Variants in ARAP3 observed in about 807,000 individuals in gnomAD.
The protein encoded by ARAP3 is arf-GAP with Rho-GAP domain, ANK repeat and PH domain-containing protein 3.
A neutral mutation model predicts 169.2 loss-of-function variants in ARAP3; 82 were observed. That is an observed-to-expected ratio of 0.48 (90% CI 0.41 to 0.58). The LOEUF (loss-of-function observed/expected upper bound fraction) is 0.58. Among genes scored for constraint, ARAP3 ranks in the 20% least tolerant of loss-of-function variants. The pLI is 0.00. For synonymous variants in ARAP3, 791 were observed against 800.3 expected, an observed-to-expected ratio of 0.99 and a Z score of 0.20; for missense variants, 1,764 against 2,018.0, an observed-to-expected ratio of 0.87 and a Z score of 2.41.
intron 19 of ARAP3, 110 bp downstream of exon 19, chr5:141,664,812 C>T: frequency 7.6e-7 from 1 of 1,310,466 alleles, no homozygotes; most frequent in Non-Finnish European, 1.0e-6. Context: ...GGAGGCAAAG[C>T]TCTTCCAGGC....
Position 141,656,239 on chromosome 5 carries a change from G to A in ARAP3, c.3827C>T (p.Ala1276Val), listed in dbSNP as rs2099909257. The change falls in exon 28 of 33, where the codon GCC becomes GTC. Residue 1276 changes from alanine (A) to valine (V), a missense_variant. Ala to Val is a moderately conservative substitution (Grantham distance 64). Transcript: ENST00000239440. ...CTTGCGGATTCCCAGGTAGACCTTG[G>A]CACCTTCCAAAGGCCACTCCCGTTC... ...KPEREWPLEG[A>V]KVYLGIRKKL... The A allele has an allele frequency of 8.7e-6, 14 of 1,614,112 alleles. No homozygotes were observed. The highest frequency in any genetic ancestry group is 1.0e-5 in the Non-Finnish European group (12 of 1,180,014).
At chr5:141,664,674 C>T (rs994495519) in intron 19 of ARAP3, among the ~76,000 whole-genome samples, 4 of 152,170 alleles carry the variant, frequency 2.6e-5, no homozygotes, top group African/African-American at 9.7e-5. Context: ...GGCATTGTCT[C>T]ACTGTCACAA....
chr5:141,668,136 C>CA (rs1206062167), intron 16 of ARAP3, among the ~76,000 whole-genome samples: 2 of 151,116 alleles, frequency 1.3e-5, no homozygotes, highest in Admixed American at 1.3e-4. Context: ...TTTTTTGAGA[C>CA]AGGGCCTCAC....
chr5:141,655,977 C>T (rs1246407142), intron 29 of ARAP3, 45 bp from the exon 30 acceptor site: 2 of 1,613,504 alleles, frequency 1.2e-6, no homozygotes, highest in Non-Finnish European at 1.7e-6. Flanking sequence ...AGGGTCACAG[C>T]TATAGGAATG....
chr5:141,658,280 AAC>A, intron 25 of ARAP3, 83 bp downstream of exon 25: 1 of 1,333,022 alleles, frequency 7.5e-7, no homozygotes, highest in South Asian at 1.3e-5. Context: ...CATATTTGGT[AAC>A]ATGAAGTCAC....
At chr5:141,681,516 T>C (rs539124678) in intron 1 of ARAP3, among the ~76,000 whole-genome samples, 1 of 152,258 alleles carries the variant, frequency 6.6e-6, no homozygotes, top group African/African-American at 2.4e-5. Flanking sequence ...TCTAATTCTG[T>C]GGCCCCTGAG....
chr5:141,669,676 T>C, intron 16 of ARAP3, 33 bp downstream of exon 16: 1 of 1,571,942 alleles, frequency 6.4e-7, no homozygotes, highest in Non-Finnish European at 8.8e-7. Context: ...AAGGAAAGCA[T>C]GAGATGCTGC....
rs776157966 is a variant in ARAP3 at position 141,653,986 on chromosome 5, G to A, written c.4599C>T (p.Cys1533=). Residue 1533 remains cysteine, a synonymous_variant, in exon 33 of 33, where the codon TGC becomes TGT. Coordinates refer to ENST00000239440, the MANE Select transcript of ARAP3 (RefSeq NM_022481.6). ...QTPGFPTQPP[C]TSSPPSSQPL... is the part of the protein sequence containing the mutation. ...GCTGGCTGGAGGGTGGACTGGAAGT[G>A]CATGGGGGTTGGGTGGGGAAGCCAG... The A allele has an allele frequency of 1.3e-6, 2 of 1,549,020 alleles. No individual in the cohort carries two copies. Among genetic ancestry groups the A allele is most frequent in the South Asian group, 1.3e-5 (1 of 79,658 alleles).
intron 13 of ARAP3, 51 bp from the exon 14 acceptor site, chr5:141,670,679 C>A: frequency 6.7e-7 from 1 of 1,494,142 alleles, no homozygotes; most frequent in Non-Finnish European, 9.3e-7. Context: ...ACGGGATAAC[C>A]TGACCCCCTC....
At chr5:141,676,641 C>T (rs1226434798) in intron 4 of ARAP3, among the ~76,000 whole-genome samples, 2 of 152,176 alleles carry the variant, frequency 1.3e-5, no homozygotes, top group Non-Finnish European at 2.9e-5. Flanking sequence ...ACATTTTCCT[C>T]ACTTTGCTCC....
At chr5:141,654,636 TG>T (rs1304920174) in intron 32 of ARAP3, among the ~76,000 whole-genome samples, 3 of 152,116 alleles carry the variant, frequency 2.0e-5, no homozygotes, top group Non-Finnish European at 4.4e-5. Context: ...CATCACATAA[TG>T]AGTGAATGGT....
Position 141,679,796 on chromosome 5 carries a change from G to T in ARAP3, c.551C>A (p.Ala184Asp). 3.7e-6 allele frequency: 6 copies of T among 1,613,412 alleles called. No individual in the cohort carries two copies. The highest frequency in any genetic ancestry group is 5.1e-6 in the Non-Finnish European group (6 of 1,179,800). ...DKAPDSSQIS[A>D]PTPALRPTTG... Reference sequence around the variant, plus strand: ...TGTGGGCCTGAGGGCAGGGGTGGGGGCAGAGATTTGGGAGCTGTCTGGGGC... The same window carrying T: ...TGTGGGCCTGAGGGCAGGGGTGGGGTCAGAGATTTGGGAGCTGTCTGGGGC... Residue 184 changes from alanine (A) to aspartate (D), a missense_variant, in exon 3 of 33, where the codon GCC becomes GAC. Ala to Asp is a moderately radical substitution (Grantham distance 126, BLOSUM62 -2). This residue lies in a region of ARAP3 where 630 missense variants were observed against 678.7 expected (regional missense o/e 0.93). Transcript: ENST00000239440.
rs1394430559 is a variant in ARAP3, at chr5:141,661,762, T to C, written c.3041A>G (p.Glu1014Gly). 6.2e-7 allele frequency: 1 copy of C among 1,614,068 alleles called. No homozygotes were observed. Among genetic ancestry groups the C allele is most frequent in the African/African-American group, 1.3e-5 (1 of 74,920 alleles). The stretch of plus-strand genomic sequence containing the variant: ...GCAGCCAATCACATCTTTATATTTC[T>C]CCAGGCGCTGATTCTTCTGGGGCAG... Reference protein sequence around the residue: ...AELPQKNQRLEKYKDVIGCLP... With the variant: ...AELPQKNQRLGKYKDVIGCLP... Residue 1014 changes from glutamate (E) to glycine (G), a missense_variant, in exon 21 of 33, where the codon GAG becomes GGG. Coordinates refer to ENST00000239440, the MANE Select transcript of ARAP3 (RefSeq NM_022481.6).
In ARAP3 at chr5:141,658,434, C is replaced by G. The variant is rs1596476418; in HGVS notation, c.3457G>C (p.Glu1153Gln). The G allele has an allele frequency of 4.3e-6, 7 of 1,614,170 alleles. No individual in the cohort carries two copies. Among genetic ancestry groups the G allele is most frequent in the Non-Finnish European group, 5.9e-6 (7 of 1,180,042 alleles). ...TAEELTNQVLEMRGTAAGMDL... is the reference protein window; with the variant it reads ...TAEELTNQVLQMRGTAAGMDL... ...ATCCCAGCTGCTGTCCCCCGCATCT[C>G]CAGTACCTGGTTAGTCAGCTCCTCA... The change falls in exon 25 of 33, where the codon GAG becomes CAG. Residue 1153 changes from glutamate (E) to glutamine (Q), a missense_variant. Physicochemically the swap from Glu to Gln is conservative, Grantham distance 29. Transcript: ENST00000239440.
At chr5:141,679,509 C>G (rs769087799) in intron 4 of ARAP3, 36 bp downstream of exon 4, 34 of 1,584,308 alleles carry the variant, frequency 2.1e-5, no homozygotes, top group African/African-American at 4.0e-5. Flanking sequence ...GACTCACCTG[C>G]TCCTCCCTCC....
In ARAP3 at chr5:141,673,137, G is replaced by A. The variant is rs532172681; in HGVS notation, c.973-4C>T. The A allele has an allele frequency of 3.1e-6, 5 of 1,614,060 alleles. No homozygotes were observed. The highest frequency in any genetic ancestry group is 4.2e-6 in the Non-Finnish European group (5 of 1,179,984). On this transcript the variant is annotated splice_polypyrimidine_tract_variant and splice_region_variant and intron_variant, in intron 6 of 32. Coordinates refer to ENST00000239440, the MANE Select transcript of ARAP3 (RefSeq NM_022481.6). Reference sequence around the variant, plus strand: ...TCACACCCTTAGGGAAGGGGTCCTGGAGAGAGAGAGCTCAATGACCCATGA... The same window carrying A: ...TCACACCCTTAGGGAAGGGGTCCTGAAGAGAGAGAGCTCAATGACCCATGA...
rs1439988362 is a variant in ARAP3, at chr5:141,680,071, G to T, written c.416C>A (p.Pro139His). Reference sequence around the variant, plus strand: ...TGAAGACTGCTCAGAGGAGGAAGTGGGGAGAGGAGGAGGCCTTGGGCTGGG... The same window carrying T: ...TGAAGACTGCTCAGAGGAGGAAGTGTGGAGAGGAGGAGGCCTTGGGCTGGG... The part of the protein sequence containing the change: ...PEPSPRPPPL[P>H]TSSSEQSSAL... Residue 139 changes from proline to histidine, a missense_variant, in exon 2 of 33, where the codon CCC becomes CAC. This residue lies in a region of ARAP3 where 630 missense variants were observed against 678.7 expected (regional missense o/e 0.93). Transcript: ENST00000239440. 2 of 1,614,104 alleles carry T rather than the reference G, an allele frequency of 1.2e-6. No individual in the cohort carries two copies. The highest frequency in any genetic ancestry group is 3.3e-5 in the Admixed American group (2 of 60,022).
chr5:141,678,304 G>A (rs750493440), intron 4 of ARAP3, among the ~76,000 whole-genome samples: 28 of 151,870 alleles, frequency 1.8e-4, no homozygotes, highest in Non-Finnish European at 2.9e-4. Flanking sequence ...TCCTCCCACC[G>A]TGGCTCACCT....
intron 4 of ARAP3, among the ~76,000 whole-genome samples, chr5:141,677,582 T>C (rs565506977): frequency 6.3e-4 from 96 of 152,264 alleles, no homozygotes; most frequent in African/African-American, 2.2e-3. Context: ...CCTACATTAC[T>C]ACAAAAACCT....
Sources: allele counts gnomAD v4.1 joint callset (sites outside exome capture counted in the v4.1 genomes callset), GRCh38; gene constraint gnomAD v4.1.1; regional missense constraint gnomAD v4.1.1; transcripts MANE v1.5; gene names NCBI Gene and HGNC (gene_info 2026-07-23, HGNC 2026-07-21).